The following RNF150 variants were observed in gnomAD, a reference collection of about 807,000 sequenced individuals.
RNF150 encodes the protein ring finger protein 150.
RNF150 carries 24 observed loss-of-function variants against 39.3 expected under a neutral mutation model. The observed-to-expected ratio is 0.61, with a 90% CI of 0.44 to 0.86. The LOEUF is 0.86. Ranked by LOEUF, RNF150 falls within the 40% of genes least tolerant of loss-of-function variation. RNF150 has a pLI of 0.00. For synonymous variants in RNF150, 255 were observed against 227.3 expected, an observed-to-expected ratio of 1.12 and a Z score of -1.10; for missense variants, 502 against 587.8, an observed-to-expected ratio of 0.85 and a Z score of 1.51.
chr4:141,192,685 C>T (rs73849858), intron 1 of RNF150, among the ~76,000 whole-genome samples: 4,922 of 152,258 alleles, frequency 0.032, 277 homozygotes, highest in African/African-American at 0.11. Flanking sequence ...ATATCCCGCA[C>T]AACGCAGAAG....
chr4:140,916,393 C>T (rs112938123), intron 5 of RNF150, among the ~76,000 whole-genome samples: 58,609 of 151,986 alleles, frequency 0.39, 12,160 homozygotes, highest in Non-Finnish European at 0.47. Context: ...AACTACGTGA[C>T]GAATGCACAA....
intron 5 of RNF150, among the ~76,000 whole-genome samples, chr4:140,912,393 T>C (rs17006636): frequency 0.033 from 5,101 of 152,270 alleles, 303 homozygotes; most frequent in African/African-American, 0.12. Context: ...CAGCTTTGTC[T>C]TGAAGGATGA....
chr4:141,069,818 T>G (rs1448659098), intron 1 of RNF150, among the ~76,000 whole-genome samples: 1 of 152,190 alleles, frequency 6.6e-6, no homozygotes, highest in Admixed American at 6.5e-5. Context: ...AATGTATCCA[T>G]TTCTTCTAGA....
At chr4:140,971,434 G>A (rs542123894) in intron 1 of RNF150, among the ~76,000 whole-genome samples, 25 of 152,236 alleles carry the variant, frequency 1.6e-4, no homozygotes, top group Non-Finnish European at 2.8e-4. Flanking sequence ...AAGGAGGTCC[G>A]GCTATTTGGG....
intron 2 of RNF150, among the ~76,000 whole-genome samples, chr4:140,966,423 A>T (rs995753590): frequency 6.6e-6 from 1 of 152,094 alleles, no homozygotes; most frequent in African/African-American, 2.4e-5. Context: ...ATAAAAGACA[A>T]TGACAAGCTG....
rs144203951 is a variant in RNF150 at position 141,029,613 on chromosome 4, A to G, written c.485-61740T>C. 3.9e-5 allele frequency among the ~76,000 whole-genome samples: 6 copies of G among 152,346 alleles called. No individual in the cohort carries two copies. In the East Asian group the frequency reaches 1.2e-3, roughly 29 times the overall value. ...AACACACAACTGGACCTCAAAGTCA[A>G]TGCTAATTTGGGCAGAAGGAATGAC... On this transcript the variant is annotated intron_variant, in intron 1 of 6. Transcript: ENST00000515673.
intron 5 of RNF150, among the ~76,000 whole-genome samples, chr4:140,915,557 C>T (rs6537020): frequency 0.55 from 83,793 of 151,892 alleles, 23,592 homozygotes; most frequent in East Asian, 0.89. Context: ...AGAAGTAGAA[C>T]GAAAGTGATT....
intron 1 of RNF150, among the ~76,000 whole-genome samples, chr4:141,031,058 T>C (rs560066721): frequency 2.0e-5 from 3 of 152,136 alleles, no homozygotes; most frequent in African/African-American, 4.8e-5. Flanking sequence ...ACCACAGTTA[T>C]GAAAACTCCA....
intron 1 of RNF150, among the ~76,000 whole-genome samples, chr4:141,157,246 T>C (rs1212626609): frequency 6.6e-6 from 1 of 152,158 alleles, no homozygotes; most frequent in Non-Finnish European, 1.5e-5. Flanking sequence ...GTGTGTCACA[T>C]CCTAGAAACC....
chr4:141,041,861 T>C (rs1393886490), intron 1 of RNF150, among the ~76,000 whole-genome samples: 3 of 152,076 alleles, frequency 2.0e-5, no homozygotes, highest in Admixed American at 6.6e-5. Flanking sequence ...AACGTATATA[T>C]ACCTAAATAA....
intron 4 of RNF150, among the ~76,000 whole-genome samples, chr4:140,943,242 A>T (rs1732156753): frequency 6.6e-6 from 1 of 152,192 alleles, no homozygotes; most frequent in Admixed American, 6.5e-5. Context: ...CAAATAATCT[A>T]AAAAAGACCC....
intron 1 of RNF150, among the ~76,000 whole-genome samples, chr4:141,209,407 AT>A (rs1728427108): frequency 6.6e-6 from 1 of 152,136 alleles, no homozygotes; most frequent in Non-Finnish European, 1.5e-5. Context: ...CAGTTTATTA[AT>A]CCAGTCTTCT....
intron 1 of RNF150, among the ~76,000 whole-genome samples, chr4:140,986,776 T>G (rs1734029848): frequency 6.6e-6 from 1 of 151,898 alleles, no homozygotes; most frequent in African/African-American, 2.4e-5. Context: ...GCAGTCCTAG[T>G]CACAGTAATC....
At chr4:141,090,354 T>C (rs1738533893) in intron 1 of RNF150, among the ~76,000 whole-genome samples, 1 of 152,162 alleles carries the variant, frequency 6.6e-6, no homozygotes, top group African/African-American at 2.4e-5. Context: ...TAATAACTAA[T>C]ATGGCGGATA....
intron 1 of RNF150, among the ~76,000 whole-genome samples, chr4:141,071,206 G>A (rs1465852859): frequency 1.5e-5 from 2 of 134,188 alleles, no homozygotes; most frequent in Non-Finnish European, 3.1e-5. Flanking sequence ...CACAGGAAGG[G>A]GAATATCACA....
intron 5 of RNF150, among the ~76,000 whole-genome samples, chr4:140,919,866 C>T (rs1040308541): frequency 6.6e-6 from 1 of 152,010 alleles, no homozygotes; most frequent in African/African-American, 2.4e-5. Flanking sequence ...AGAACAGAGC[C>T]CTCAGAAATA....
chr4:141,005,499 A>G (rs574564450), intron 1 of RNF150, among the ~76,000 whole-genome samples: 13 of 152,328 alleles, frequency 8.5e-5, no homozygotes, highest in African/African-American at 3.1e-4. Context: ...GACCAATGCT[A>G]CAATTAGGCC....
At position 140,862,756 on chromosome 4, in the gene RNF150, T is replaced by C. The variant is rs1052351401; in HGVS notation, c.*5505A>G. 6.6e-6 allele frequency: 1 copy of C among 152,178 alleles called. No homozygotes were observed. Among genetic ancestry groups the C allele is most frequent in the African/African-American group, 2.4e-5 (1 of 41,440 alleles). 9.4% of individuals were successfully genotyped at this position (152,178 alleles called of 1,614,324 possible). A position where few individuals can be genotyped will look rare whatever the true frequency, so the allele number is the denominator to read the frequency against. ...TCATGAGTATTTTAACTCATGAGTA[T>C]TTAATTCCTTAAAAATACAAACTCC... On this transcript the variant is annotated 3_prime_UTR_variant, in exon 7 of 7. Coordinates refer to ENST00000515673, the MANE Select transcript of RNF150 (RefSeq NM_020724.2).
At chr4:141,089,536 G>T (rs907667854) in intron 1 of RNF150, among the ~76,000 whole-genome samples, 9 of 152,062 alleles carry the variant, frequency 5.9e-5, no homozygotes, top group Non-Finnish European at 1.2e-4. Flanking sequence ...AGTGTCCTGG[G>T]GACTTACAAG....
Sources: gnomAD v4.1 joint callset for allele counts (sites outside exome capture counted in the v4.1 genomes callset) on GRCh38, gnomAD v4.1.1 for gene constraint, MANE v1.5 for transcripts, NCBI Gene and HGNC (gene_info 2026-07-23, HGNC 2026-07-21) for gene names.